ANXA10: variants seen among roughly 807,000 people sequenced by gnomAD.
The protein encoded by ANXA10 is annexin 14.
Under a neutral mutation model 53.5 loss-of-function variants are expected in ANXA10, and 49 were observed. That is an observed-to-expected ratio of 0.92 (90% CI 0.73 to 1.16). The LOEUF (loss-of-function observed/expected upper bound fraction) is 1.16, where lower values mean the gene tolerates loss of function less well. Among genes scored for constraint, ANXA10 ranks in the 50% most tolerant of loss-of-function variants. The pLI, the probability that ANXA10 is intolerant of heterozygous loss-of-function variation, is 0.00. For synonymous variants in ANXA10, 131 were observed against 128.9 expected (o/e 1.02, Z -0.11); for missense variants, 393 against 394.4 (o/e 1.00, Z 0.03).
intron 3 of ANXA10, among the ~76,000 whole-genome samples, chr4:168,143,306 A>T (rs1731354079): frequency 6.6e-6 from 1 of 152,208 alleles, no homozygotes; most frequent in African/African-American, 2.4e-5. Context: ...AATCAATGGT[A>T]TTTTAAATTT....
At chr4:168,153,911 T>C (rs554172354) in intron 3 of ANXA10, among the ~76,000 whole-genome samples, 1 of 152,240 alleles carries the variant, frequency 6.6e-6, no homozygotes, top group East Asian at 1.9e-4. Flanking sequence ...TCTGATATTG[T>C]TTATTTTCCT....
At chr4:168,184,009 A>G (rs2149482530) in intron 10 of ANXA10, among the ~76,000 whole-genome samples, 1 of 152,312 alleles carries the variant, frequency 6.6e-6, no homozygotes, top group South Asian at 2.1e-4. Flanking sequence ...CTGCATTTGA[A>G]TTTAAACCGG....
intron 9 of ANXA10, among the ~76,000 whole-genome samples, chr4:168,180,464 A>G (rs1010453784): frequency 6.6e-6 from 1 of 152,244 alleles, no homozygotes; most frequent in African/African-American, 2.4e-5. Flanking sequence ...AGTGGTGGAC[A>G]TTAGAAATGG....
At chr4:168,128,958 T>C (rs1212767784) in intron 2 of ANXA10, among the ~76,000 whole-genome samples, 2 of 151,720 alleles carry the variant, frequency 1.3e-5, no homozygotes, top group African/African-American at 2.4e-5. Context: ...AAATATTATA[T>C]ATATAATTTT....
intron 1 of ANXA10, among the ~76,000 whole-genome samples, chr4:168,121,219 C>A (rs931377840): frequency 3.7e-4 from 54 of 147,856 alleles, no homozygotes; most frequent in Non-Finnish European, 7.8e-4. Flanking sequence ...CACCAAAAAA[C>A]ACACACACAC....
At chr4:168,103,366 TA>T (rs1371635312) in intron 1 of ANXA10, among the ~76,000 whole-genome samples, 2 of 152,094 alleles carry the variant, frequency 1.3e-5, no homozygotes, top group Middle Eastern at 3.4e-3. Flanking sequence ...AGGTCAAGCT[TA>T]TTTTTTTATA....
chr4:168,092,883 T>C (rs1240874819), intron 1 of ANXA10, among the ~76,000 whole-genome samples, 165 bp downstream of exon 1: 1 of 152,158 alleles, frequency 6.6e-6, no homozygotes, highest in Non-Finnish European at 1.5e-5. Context: ...AAGAAACATT[T>C]ATAGAATATT....
chr4:168,144,024 G>A (rs1035707377), intron 3 of ANXA10, among the ~76,000 whole-genome samples: 1 of 152,146 alleles, frequency 6.6e-6, no homozygotes, highest in Non-Finnish European at 1.5e-5. Context: ...CCCTATGCTA[G>A]AGCTCCAGAT....
At chr4:168,179,358 A>G in intron 9 of ANXA10, 46 bp downstream of exon 9, 1 of 1,334,048 alleles carries the variant, frequency 7.5e-7, no homozygotes. Flanking sequence ...TTATTTCTCT[A>G]TAAATGCTGA....
chr4:168,128,739 C>G (rs558771032), intron 2 of ANXA10, among the ~76,000 whole-genome samples: 1 of 152,004 alleles, frequency 6.6e-6, no homozygotes, highest in African/African-American at 2.4e-5. Flanking sequence ...TCAGCTATGC[C>G]AACCCCCCAG....
At chr4:168,113,238 G>A (rs1442194607) in intron 1 of ANXA10, 1 of 152,772 alleles carries the variant, frequency 6.5e-6, no homozygotes, top group Non-Finnish European at 1.5e-5. Flanking sequence ...CGGTTCTGGA[G>A]GCTGGAAAGT....
intron 1 of ANXA10, among the ~76,000 whole-genome samples, chr4:168,121,379 A>T (rs1374173691): frequency 2.0e-5 from 3 of 152,182 alleles, no homozygotes; most frequent in African/African-American, 7.2e-5. Flanking sequence ...AATTTACAAT[A>T]GTAAAATTAT....
intron 6 of ANXA10, among the ~76,000 whole-genome samples, chr4:168,177,427 C>A (rs1732151822): frequency 6.6e-6 from 1 of 152,154 alleles, no homozygotes; most frequent in Non-Finnish European, 1.5e-5. Flanking sequence ...CATGGTCAGG[C>A]AGTGGATACT....
At chr4:168,113,250 CAA>C (rs1210754973) in intron 1 of ANXA10, 2 of 152,704 alleles carry the variant, frequency 1.3e-5, no homozygotes, top group East Asian at 3.9e-4. Flanking sequence ...CTGGAAAGTC[CAA>C]GATCAAGGTG....
Position 168,154,848 on chromosome 4 carries a change from TAC to T in ANXA10, c.196-7678_196-7677del, listed in dbSNP as rs559585119. Among the ~76,000 whole-genome samples, 938 of 152,296 alleles carry T rather than the reference TAC, an allele frequency of 6.2e-3. 4 individuals are homozygous for T. Among genetic ancestry groups the T allele is most frequent in the Non-Finnish European group, 9.0e-3 (612 of 68,006 alleles). On this transcript the variant is annotated intron_variant, in intron 3 of 11. Transcript: ENST00000359299. ...TCACAGGGTTGTTGTAATAAATTAT[TAC>T]AGTTATTCTAATATTCAGAATACCA... is the stretch of plus-strand genomic sequence containing the variant.
intron 1 of ANXA10, among the ~76,000 whole-genome samples, chr4:168,126,110 A>G (rs114771009): frequency 0.032 from 3,737 of 115,884 alleles, 57 homozygotes; most frequent in Middle Eastern, 0.057. Context: ...ATTTACTCTA[A>G]GGCCAGAATA....
intron 1 of ANXA10, among the ~76,000 whole-genome samples, chr4:168,123,635 C>G (rs1369081749): frequency 6.6e-6 from 1 of 152,106 alleles, no homozygotes; most frequent in Non-Finnish European, 1.5e-5. Context: ...CCAAGACTAA[C>G]AGAGACCCCC....
At chr4:168,147,394 G>A (rs1731423282) in intron 3 of ANXA10, among the ~76,000 whole-genome samples, 1 of 152,156 alleles carries the variant, frequency 6.6e-6, no homozygotes, top group Non-Finnish European at 1.5e-5. Flanking sequence ...ACATCAAGAG[G>A]CGCCTTTGAG....
intron 3 of ANXA10, among the ~76,000 whole-genome samples, chr4:168,156,164 A>AT (rs1348869924): frequency 9.7e-5 from 3 of 31,036 alleles, no homozygotes; most frequent in Admixed American, 1.3e-3. Context: ...ATTATATATT[A>AT]TATATATTAT....
Sources: allele counts gnomAD v4.1 joint callset (sites outside exome capture counted in the v4.1 genomes callset), GRCh38; gene constraint gnomAD v4.1.1; transcripts MANE v1.5; gene names NCBI Gene and HGNC (gene_info 2026-07-23, HGNC 2026-07-21).